EYS: variants seen among roughly 807,000 people sequenced by gnomAD.
EYS encodes the protein EGF-like photoreceptor maintenance factor, also known as protein eyes shut homolog.
A neutral mutation model predicts 282.1 loss-of-function variants in EYS; 250 were observed. The ratio of observed to expected loss-of-function variants is 0.89; its 90% CI spans 0.80 to 0.98. EYS has a LOEUF of 0.98. Ranked by LOEUF, EYS falls within the 50% of genes least tolerant of loss-of-function variation. The probability of loss-of-function intolerance (pLI) is 0.00; values close to 1 mark genes in which losing one functional copy is unlikely to be tolerated. For missense variants in EYS, 4,016 were observed against 3,709.0 expected (o/e 1.08, Z -2.15); for synonymous variants, 1,355 against 1,282.9 (o/e 1.06, Z -1.20).
intron 2 of EYS, among the ~76,000 whole-genome samples, chr6:65,616,016 A>C (rs1766186736): frequency 6.6e-6 from 1 of 151,940 alleles, no homozygotes; most frequent in Non-Finnish European, 1.5e-5. Flanking sequence ...CTTGACACAA[A>C]ATTGTATCAA....
At chr6:64,048,906 T>TCC (rs1770717772) in intron 33 of EYS, among the ~76,000 whole-genome samples, 1 of 152,022 alleles carries the variant, frequency 6.6e-6, no homozygotes, top group Admixed American at 6.6e-5. Context: ...TGCCATTCTT[T>TCC]TCCCCCCCTA....
chr6:63,776,996 G>T (rs1305143758), intron 40 of EYS, among the ~76,000 whole-genome samples: 1 of 152,214 alleles, frequency 6.6e-6, no homozygotes, highest in Non-Finnish European at 1.5e-5. Flanking sequence ...ATTAAAAATT[G>T]TAGAGAAGTA....
chr6:65,364,027 C>A (rs530542295), intron 8 of EYS, among the ~76,000 whole-genome samples: 2 of 150,540 alleles, frequency 1.3e-5, no homozygotes, highest in African/African-American at 4.8e-5. Flanking sequence ...CCTGGTATTC[C>A]AAGTACTTCT....
chr6:65,158,071 G>T (rs1764770204), intron 12 of EYS, among the ~76,000 whole-genome samples: 1 of 150,606 alleles, frequency 6.6e-6, no homozygotes, highest in African/African-American at 2.4e-5. Context: ...CAATCTATAG[G>T]GGTGGTAGAT....
intron 22 of EYS, among the ~76,000 whole-genome samples, chr6:64,761,514 C>G (rs1345034307): frequency 6.6e-6 from 1 of 152,166 alleles, no homozygotes. Context: ...TGGAGTCTCA[C>G]TCTGTGGCCA....
chr6:64,692,831 T>C (rs1232285838), intron 22 of EYS, among the ~76,000 whole-genome samples: 7 of 152,070 alleles, frequency 4.6e-5, no homozygotes, highest in Non-Finnish European at 2.9e-5. Flanking sequence ...GAGTTTTCTA[T>C]TCTTTTCTAT....
chr6:64,852,044 T>C (rs1765902381), intron 19 of EYS, among the ~76,000 whole-genome samples: 1 of 152,092 alleles, frequency 6.6e-6, no homozygotes, highest in African/African-American at 2.4e-5. Context: ...AAGATCATGA[T>C]TTTGGGGTAG....
At chr6:64,135,202 A>G (rs1774118273) in intron 31 of EYS, among the ~76,000 whole-genome samples, 1 of 147,966 alleles carries the variant, frequency 6.8e-6, no homozygotes, top group Non-Finnish European at 1.5e-5. Flanking sequence ...AATTCTCAAC[A>G]GTAGTGGTGC....
intron 1 of EYS, among the ~76,000 whole-genome samples, chr6:65,704,231 G>A (rs1769789105): frequency 6.6e-6 from 1 of 152,138 alleles, no homozygotes; most frequent in African/African-American, 2.4e-5. Context: ...ACAGTGCATA[G>A]CACATTACAT....
At chr6:65,597,073 A>T (rs1765435129) in intron 2 of EYS, among the ~76,000 whole-genome samples, 1 of 152,092 alleles carries the variant, frequency 6.6e-6, no homozygotes, top group African/African-American at 2.4e-5. Context: ...TATATTAGAG[A>T]CCACTGCATC....
intron 11 of EYS, among the ~76,000 whole-genome samples, chr6:65,305,613 AG>A (rs1430744165): frequency 6.6e-6 from 1 of 152,238 alleles, no homozygotes; most frequent in East Asian, 1.9e-4. Flanking sequence ...ATTTTTTAAA[AG>A]GCTTTAAAGT....
chr6:65,649,897 CAA>C (rs776170508), intron 1 of EYS, among the ~76,000 whole-genome samples: 2 of 151,908 alleles, frequency 1.3e-5, no homozygotes, highest in Non-Finnish European at 2.9e-5. Flanking sequence ...TACAGAATGT[CAA>C]AAGAGTTAAA....
At chr6:64,377,659 G>A (rs115086700) in intron 29 of EYS, 5 of 152,068 alleles carry the variant, frequency 3.3e-5, no homozygotes, top group Non-Finnish European at 7.4e-5. Context: ...CTATTAGAAG[G>A]ACAATAATTT....
intron 1 of EYS, among the ~76,000 whole-genome samples, chr6:65,702,027 T>G (rs901845955): frequency 6.6e-6 from 1 of 152,182 alleles, no homozygotes; most frequent in African/African-American, 2.4e-5. Flanking sequence ...TTGTGCCCTA[T>G]GGGGTAATGA....
chr6:63,948,025 A>G (rs1765449783), intron 35 of EYS, among the ~76,000 whole-genome samples: 1 of 152,214 alleles, frequency 6.6e-6, no homozygotes, highest in Non-Finnish European at 1.5e-5. Context: ...TAAACACAAT[A>G]CTAATGACTC....
chr6:64,984,874 G>A (rs951141511), intron 14 of EYS, among the ~76,000 whole-genome samples: 2 of 151,256 alleles, frequency 1.3e-5, no homozygotes, highest in African/African-American at 4.8e-5. Flanking sequence ...CTTAGCTTCC[G>A]GAAATTATTG....
intron 39 of EYS, among the ~76,000 whole-genome samples, chr6:63,780,968 A>T (rs549428334): frequency 6.6e-6 from 1 of 152,154 alleles, no homozygotes; most frequent in Non-Finnish European, 1.5e-5. Flanking sequence ...TCTACATATG[A>T]CTAGCCAGTT....
chr6:64,694,932 T>G (rs1048612971), intron 22 of EYS, among the ~76,000 whole-genome samples: 6 of 152,022 alleles, frequency 3.9e-5, no homozygotes, highest in Non-Finnish European at 8.8e-5. Context: ...CCCCACTGGG[T>G]CAGGAGCAGG....
intron 2 of EYS, among the ~76,000 whole-genome samples, chr6:65,596,023 C>T (rs553684886): frequency 6.6e-6 from 1 of 152,134 alleles, no homozygotes; most frequent in Admixed American, 6.6e-5. Flanking sequence ...AGAGGTCCAT[C>T]TGAAGATGAA....
Sources: gnomAD v4.1 joint callset for allele counts (sites outside exome capture counted in the v4.1 genomes callset) on GRCh38, gnomAD v4.1.1 for gene constraint, MANE v1.5 for transcripts, NCBI Gene and HGNC (gene_info 2026-07-23, HGNC 2026-07-21) for gene names.